NPTX1: variants seen among roughly 807,000 people sequenced by gnomAD.
The protein encoded by NPTX1 is neuronal pentraxin 1.
In NPTX1, 12 loss-of-function variants were observed where a neutral mutation model predicts 38.7. The observed-to-expected ratio is 0.31, with a 90% CI of 0.20 to 0.50. NPTX1 has a LOEUF of 0.50. Ranked by LOEUF, NPTX1 falls within the 20% of genes least tolerant of loss-of-function variation. The pLI is 0.98. For missense variants in NPTX1, 454 were observed against 592.2 expected, an observed-to-expected ratio of 0.77 and a Z score of 2.42; for synonymous variants, 272 against 264.9, an observed-to-expected ratio of 1.03 and a Z score of -0.26.
Position 80,468,611 on chromosome 17 carries a change from C to T in NPTX1, c.*2202G>A, listed in dbSNP as rs1247974681. Reference sequence around the variant, plus strand: ...CTTGCTGGCTCCCAGCTGTGGGAATCCTTTAGGCTTGTTCTCAACCTACAC... The same window carrying T: ...CTTGCTGGCTCCCAGCTGTGGGAATTCTTTAGGCTTGTTCTCAACCTACAC... On this transcript the variant is annotated 3_prime_UTR_variant, in exon 5 of 5. Coordinates refer to ENST00000306773, the MANE Select transcript of NPTX1 (RefSeq NM_002522.4). 1 of 152,282 alleles carries T rather than the reference C, an allele frequency of 6.6e-6. No individual in the cohort carries two copies. Among genetic ancestry groups the T allele is most frequent in the Non-Finnish European group, 1.5e-5 (1 of 68,100 alleles). 9.4% of individuals were successfully genotyped at this position (152,282 alleles called of 1,614,324 possible).
Position 80,471,008 on chromosome 17 carries a change from G to T in NPTX1, c.1104C>A (p.Ala368=). ...CCAGCTCACCCACAAATGCCTGGGT[G>T]GCATCAAACCCACCACCCAGAGTGT... is the stretch of plus-strand genomic sequence containing the variant. ...EQDTLGGGFD[A]TQAFVGELAH... The change falls in exon 5 of 5, where the codon GCC becomes GCA. Residue 368 remains alanine, a synonymous_variant. Coordinates refer to ENST00000306773, the MANE Select transcript of NPTX1 (RefSeq NM_002522.4). 6.2e-7 allele frequency: 1 copy of T among 1,609,456 alleles called. No individual in the cohort carries two copies. The highest frequency in any genetic ancestry group is 8.5e-7 in the Non-Finnish European group (1 of 1,176,562).
rs763202533 is a variant in NPTX1 at position 80,473,335 on chromosome 17, A to G, written c.762T>C (p.Thr254=). The part of the protein sequence containing the change: ...KKSLPEMYAF[T]VCMWLKSSAT... ...CGCTGGACTTGAGCCACATGCAGAC[A>G]GTGAAGGCGTACATCTCTGGCAGGC... Residue 254 remains threonine, a synonymous_variant, in exon 3 of 5, where the codon ACT becomes ACC. Transcript: ENST00000306773. 5 of 1,613,994 alleles carry G rather than the reference A, an allele frequency of 3.1e-6. No individual in the cohort carries two copies. The African/African-American group carries it at 5.3e-5, about 17-fold the overall frequency.
At position 80,473,256 on chromosome 17, in the gene NPTX1, C is replaced by T. The variant is rs2083852917; in HGVS notation, c.841G>A (p.Glu281Lys). 3 of 1,613,816 alleles carry T rather than the reference C, an allele frequency of 1.9e-6. No individual in the cohort carries two copies. Among genetic ancestry groups the T allele is most frequent in the Non-Finnish European group, 2.5e-6 (3 of 1,180,024 alleles). The part of the protein sequence containing the change: ...FSYAVPGQAN[E>K]LVLIEWGNNP... ...TTGCCCCACTCAATGAGGACCAGCT[C>T]GTTGGCCTGGCCGGGCACAGCGTAG... The change falls in exon 3 of 5, where the codon GAG becomes AAG. Residue 281 changes from glutamate (E) to lysine (K), a missense_variant. Coordinates refer to ENST00000306773, the MANE Select transcript of NPTX1 (RefSeq NM_002522.4).
Position 80,470,302 on chromosome 17 carries a change from A to G in NPTX1, c.*511T>C, listed in dbSNP as rs1309260928. 6.6e-6 allele frequency: 1 copy of G among 152,556 alleles called. No individual in the cohort carries two copies. The highest frequency in any genetic ancestry group is 1.9e-4 in the East Asian group (1 of 5,208). The allele number at this position is 152,556 out of a possible 1,614,324, so 9.5% of individuals were successfully genotyped here. On this transcript the variant is annotated 3_prime_UTR_variant, in exon 5 of 5. Transcript: ENST00000306773. Reference sequence around the variant, plus strand: ...ATCAATATAAAGATATGTCGCTCTGAGAAAGGTTTGCAAACAAAGACAAAT... The same window carrying G: ...ATCAATATAAAGATATGTCGCTCTGGGAAAGGTTTGCAAACAAAGACAAAT...
At position 80,471,145 on chromosome 17, in the gene NPTX1, C is replaced by T. The variant is rs878972275; in HGVS notation, c.1078-111G>A. 7.0e-5 allele frequency: 57 copies of T among 812,136 alleles called. No individual in the cohort carries two copies. In the South Asian group the frequency reaches 8.4e-4, roughly 12 times the overall value. 50.3% of individuals were successfully genotyped at this position (812,136 alleles called of 1,614,324 possible). On this transcript the variant is annotated intron_variant, in intron 4 of 4. Coordinates refer to ENST00000306773, the MANE Select transcript of NPTX1 (RefSeq NM_002522.4). ...GTGCCTGCCCGATCACGGACTCTCA[C>T]GGACACTCCTAGGTGCCGTTTCGTC...
At chr17:80,473,578 G>A (rs986227012) in intron 2 of NPTX1, 134 bp from the exon 3 acceptor site, 13 of 879,040 alleles carry the variant, frequency 1.5e-5, no homozygotes, top group Admixed American at 1.0e-4. Flanking sequence ...GACGCAGAGC[G>A]GGTAGCTTCC....
rs1197441912 is a variant in NPTX1, at chr17:80,470,607, A to C, written c.*206T>G. On this transcript the variant is annotated 3_prime_UTR_variant, in exon 5 of 5. Transcript: ENST00000306773. ...TGCCTGAGAGAGTCCGGGCTCCTAC[A>C]GAGAAGTGGGGCTTCCTCAGGGACA... is the stretch of plus-strand genomic sequence containing the variant. The C allele has an allele frequency of 1.9e-6, 1 of 524,556 alleles. No individual in the cohort carries two copies. The highest frequency in any genetic ancestry group is 3.4e-6 in the Non-Finnish European group (1 of 291,544). The allele number at this position is 524,556 out of a possible 1,614,324, so 32.5% of individuals were successfully genotyped here.
rs536031583 is a variant in NPTX1, at chr17:80,467,025, G to A, written c.*3788C>T. Reference sequence around the variant, plus strand: ...AAAGGCTGCAGATCATATGAAAAATGTACAGCTTTGGTTAGCAAATAATGA... The same window carrying A: ...AAAGGCTGCAGATCATATGAAAAATATACAGCTTTGGTTAGCAAATAATGA... On this transcript the variant is annotated 3_prime_UTR_variant, in exon 5 of 5. Transcript: ENST00000306773. The A allele has an allele frequency of 6.6e-6, 1 of 151,422 alleles. No individual in the cohort carries two copies. Among genetic ancestry groups the A allele is most frequent in the East Asian group, 1.9e-4 (1 of 5,134 alleles). 9.4% of individuals were successfully genotyped at this position (151,422 alleles called of 1,614,324 possible). A position where few individuals can be genotyped will look rare whatever the true frequency, so the allele number is the denominator to read the frequency against.
chr17:80,470,570 G>A lies in NPTX1; in HGVS notation c.*243C>T. On this transcript the variant is annotated 3_prime_UTR_variant, in exon 5 of 5. Transcript: ENST00000306773. ...AGACGTTGCAGCACCCACTTCAGCT[G>A]TGAATGGGGCATGCCTGAGAGAGTC... 2 of 430,174 alleles carry A rather than the reference G, an allele frequency of 4.6e-6. No individual in the cohort carries two copies. The highest frequency in any genetic ancestry group is 3.9e-5 in the Admixed American group (1 of 25,454). The allele number at this position is 430,174 out of a possible 1,614,324, so 26.6% of individuals were successfully genotyped here.
Position 80,470,951 on chromosome 17 carries a change from G to A in NPTX1, c.1161C>T (p.Thr387=). Residue 387 remains threonine, a synonymous_variant, in exon 5 of 5, where the codon ACC becomes ACT. Transcript: ENST00000306773. ...TGGCCAGGTTGTACACCTCCCCGGG[G>A]GTCAGCTTGCGGTCCCAGATGTTGA... is the stretch of plus-strand genomic sequence containing the variant. ...AHFNIWDRKL[T]PGEVYNLATC... 4 of 1,613,764 alleles carry A rather than the reference G, an allele frequency of 2.5e-6. No individual in the cohort carries two copies. The highest frequency in any genetic ancestry group is 3.4e-6 in the Non-Finnish European group (4 of 1,179,800).
chr17:80,468,930 G>A lies in NPTX1; in HGVS notation c.*1883C>T, dbSNP rs1007521400. ...AACCCGACGGGCGCTGAGGAAGCAC[G>A]ATTATCTAAGAAAAAGCCACTGTTG... On this transcript the variant is annotated 3_prime_UTR_variant, in exon 5 of 5. Transcript: ENST00000306773. The A allele has an allele frequency of 2.6e-5, 4 of 152,258 alleles. No homozygotes were observed. Among genetic ancestry groups the A allele is most frequent in the East Asian group, 3.8e-4 (2 of 5,202 alleles). 9.4% of individuals were successfully genotyped at this position (152,258 alleles called of 1,614,324 possible).
rs1367310659 is a variant in NPTX1, at chr17:80,470,593, G to C, written c.*220C>G. The C allele has an allele frequency of 2.0e-6, 1 of 501,678 alleles. No homozygotes were observed. Among genetic ancestry groups the C allele is most frequent in the Non-Finnish European group, 3.6e-6 (1 of 277,516 alleles). The allele number at this position is 501,678 out of a possible 1,614,324, so 31.1% of individuals were successfully genotyped here. On this transcript the variant is annotated 3_prime_UTR_variant, in exon 5 of 5. Coordinates refer to ENST00000306773, the MANE Select transcript of NPTX1 (RefSeq NM_002522.4). ...CTGTGAATGGGGCATGCCTGAGAGA[G>C]TCCGGGCTCCTACAGAGAAGTGGGG...
chr17:80,471,078 G>T, intron 4 of NPTX1, 44 bp from the exon 5 acceptor site: 1 of 1,471,180 alleles, frequency 6.8e-7, no homozygotes, highest in South Asian at 1.3e-5. Context: ...GTCGCCAGGT[G>T]GTCTGGGGGC....
Position 80,476,042 on chromosome 17 carries a change from T to A in NPTX1, c.405A>T (p.Gln135His). The change falls in exon 1 of 5, where the codon CAA becomes CAT. Residue 135 changes from glutamine (Q) to histidine (H), a missense_variant. Transcript: ENST00000306773. The surrounding 1 kb of genome is among the most constrained non-coding windows in gnomAD (Gnocchi z 6.3). ...GGCGGGTTTTGAGCGATTGCAAAGT[T>A]TGCCCGAGTTGGCTGAGCGTCTCGG... ...PAAETLSQLG[Q>H]TLQSLKTRLE... The A allele has an allele frequency of 6.2e-7, 1 of 1,608,710 alleles. No individual in the cohort carries two copies. Among genetic ancestry groups the A allele is most frequent in the South Asian group, 1.1e-5 (1 of 90,932 alleles).
rs1479485889 is a variant in NPTX1, at chr17:80,468,574, A to G, written c.*2239T>C. The G allele has an allele frequency of 1.3e-5, 2 of 151,884 alleles. No homozygotes were observed. Among genetic ancestry groups the G allele is most frequent in the Non-Finnish European group, 2.9e-5 (2 of 67,988 alleles). 9.4% of individuals were successfully genotyped at this position (151,884 alleles called of 1,614,324 possible). ...GGGCTAGATCTGGTCTAGAGAGGCGACTCCAAGCTCTCTTGCTGGCTCCCA... is the reference window on the plus strand; with the variant it reads ...GGGCTAGATCTGGTCTAGAGAGGCGGCTCCAAGCTCTCTTGCTGGCTCCCA... On this transcript the variant is annotated 3_prime_UTR_variant, in exon 5 of 5. Transcript: ENST00000306773.
chr17:80,473,497 T>G, intron 2 of NPTX1, 53 bp from the exon 3 acceptor site: 1 of 1,592,120 alleles, frequency 6.3e-7, no homozygotes, highest in South Asian at 1.1e-5. Flanking sequence ...CTTATCGGTG[T>G]CTGAGTTGAG....
chr17:80,471,038 C>T lies in NPTX1; in HGVS notation c.1078-4G>A. ...CAAACCCACCACCCAGAGTGTCCTT[C>T]AGAGAAAAACAGAGGATGAGAGTGG... On this transcript the variant is annotated splice_polypyrimidine_tract_variant and splice_region_variant and intron_variant, in intron 4 of 4. Transcript: ENST00000306773. The T allele has an allele frequency of 6.3e-7, 1 of 1,586,238 alleles. No homozygotes were observed. Among genetic ancestry groups the T allele is most frequent in the Non-Finnish European group, 8.6e-7 (1 of 1,161,690 alleles).
In NPTX1 at chr17:80,470,781, A is replaced by G; in HGVS notation, c.*32T>C. The G allele has an allele frequency of 6.9e-7, 1 of 1,440,446 alleles. No homozygotes were observed. Among genetic ancestry groups the G allele is most frequent in the Non-Finnish European group, 9.6e-7 (1 of 1,041,996 alleles). The allele number at this position is 1,440,446 out of a possible 1,614,324, so 89.2% of individuals were successfully genotyped here. A position where few individuals can be genotyped will look rare whatever the true frequency, so the allele number is the denominator to read the frequency against. ...ATCATCGCCGCACAAGCAGGGGGCG[A>G]GGGCGGGCGGGCTCAGCCTGGCCTG... On this transcript the variant is annotated 3_prime_UTR_variant, in exon 5 of 5. Transcript: ENST00000306773.
chr17:80,472,720 G>T (rs1483548389), intron 3 of NPTX1, among the ~76,000 whole-genome samples: 1 of 152,208 alleles, frequency 6.6e-6, no homozygotes, highest in Non-Finnish European at 1.5e-5. Context: ...AGAGGGAAAG[G>T]CTGCCTGTGC....
Sources: allele counts gnomAD v4.1 joint callset (sites outside exome capture counted in the v4.1 genomes callset), GRCh38; gene constraint gnomAD v4.1.1; non-coding constraint Gnocchi (gnomAD v3.1); transcripts MANE v1.5; gene names NCBI Gene and HGNC (gene_info 2026-07-23, HGNC 2026-07-21).